LHFPL3: variants seen among roughly 807,000 people sequenced by gnomAD.
LHFPL3 encodes the protein LHFPL tetraspan subfamily member 3, also known as LHFPL tetraspan subfamily member 3 protein.
In LHFPL3, 5 loss-of-function variants were observed where a neutral mutation model predicts 19.3. That is an observed-to-expected ratio of 0.26 (90% CI 0.14 to 0.54). The LOEUF (loss-of-function observed/expected upper bound fraction) is 0.54, where lower values mean the gene tolerates loss of function less well. Ranked by LOEUF, LHFPL3 falls within the 20% of genes least tolerant of loss-of-function variation. The pLI, the probability that LHFPL3 is intolerant of heterozygous loss-of-function variation, is 0.94. For missense variants in LHFPL3, 249 were observed against 307.4 expected (o/e 0.81, Z 1.42); for synonymous variants, 133 against 126.2 (o/e 1.05, Z -0.36).
chr7:104,554,674 GATA>G (rs1464769585), intron 1 of LHFPL3, among the ~76,000 whole-genome samples: 9 of 150,640 alleles, frequency 6.0e-5, no homozygotes, highest in Non-Finnish European at 1.3e-4. Context: ...TAGATAGATA[GATA>G]GATAGATAGA....
At chr7:104,644,827 G>GGAGCTTTTAAACTACAGGAGGCCC (rs1791903509) in intron 1 of LHFPL3, among the ~76,000 whole-genome samples, 1 of 152,086 alleles carries the variant, frequency 6.6e-6, no homozygotes, top group Non-Finnish European at 1.5e-5. Context: ...ATCACCTTGA[G>GGAGCTTTTAAACTACAGGAGGCCC]GAGCTTTTAA....
intron 2 of LHFPL3, among the ~76,000 whole-genome samples, chr7:104,877,578 TC>T (rs1401861253): frequency 6.6e-6 from 1 of 152,176 alleles, no homozygotes; most frequent in African/African-American, 2.4e-5. Flanking sequence ...AGATATCACT[TC>T]CCATCCACTA....
intron 1 of LHFPL3, among the ~76,000 whole-genome samples, chr7:104,477,849 T>C (rs1003875046): frequency 2.0e-5 from 3 of 152,174 alleles, no homozygotes; most frequent in African/African-American, 7.2e-5. Context: ...GAAGTAGCAC[T>C]TCACTGAAAT....
intron 2 of LHFPL3, among the ~76,000 whole-genome samples, chr7:104,827,628 G>C (rs1025467490): frequency 1.3e-4 from 19 of 148,722 alleles, no homozygotes; most frequent in Admixed American, 1.3e-3. Flanking sequence ...TTTTTTGATT[G>C]ATAGTATCTT....
In LHFPL3 at chr7:104,636,397, G is replaced by T. The variant is rs113411167; in HGVS notation, c.446-100278G>T. The stretch of plus-strand genomic sequence containing the variant: ...CTAATTTTTTTAACTTTTATTTTAG[G>T]TTAAGGGGTACATGTGCAGGTTTGT... On this transcript the variant is annotated intron_variant, in intron 1 of 2. Transcript: ENST00000424859. 3.5e-3 allele frequency among the ~76,000 whole-genome samples: 528 copies of T among 152,220 alleles called. 4 individuals carry two copies. The highest frequency in any genetic ancestry group is 0.012 in the African/African-American group (501 of 41,546).
intron 1 of LHFPL3, among the ~76,000 whole-genome samples, chr7:104,587,399 T>C (rs530539668): frequency 7.4e-4 from 113 of 152,342 alleles, no homozygotes; most frequent in South Asian, 1.7e-3. Flanking sequence ...GATAGTTTGC[T>C]GAGAGTGATG....
chr7:104,834,467 CT>C (rs1339496218), intron 2 of LHFPL3, among the ~76,000 whole-genome samples: 1 of 152,016 alleles, frequency 6.6e-6, no homozygotes, highest in Non-Finnish European at 1.5e-5. Flanking sequence ...CTTTTGCCTT[CT>C]GACCTTAAAT....
At chr7:104,888,804 A>G (rs1305479693) in intron 2 of LHFPL3, among the ~76,000 whole-genome samples, 2 of 152,198 alleles carry the variant, frequency 1.3e-5, no homozygotes, top group Non-Finnish European at 2.9e-5. Flanking sequence ...AATATTTGGG[A>G]TGAGTCTAAG....
At chr7:104,766,155 C>T (rs964557111) in intron 2 of LHFPL3, among the ~76,000 whole-genome samples, 64 of 152,296 alleles carry the variant, frequency 4.2e-4, no homozygotes, top group African/African-American at 1.4e-3. Flanking sequence ...ATGGTAATGT[C>T]GAGCTTTGTT....
chr7:104,552,208 A>T (rs1794673662), intron 1 of LHFPL3, among the ~76,000 whole-genome samples: 1 of 152,214 alleles, frequency 6.6e-6, no homozygotes, highest in Non-Finnish European at 1.5e-5. Context: ...GGCAGCAACC[A>T]AGTGAGCAAG....
At chr7:104,596,558 A>G (rs1258333288) in intron 1 of LHFPL3, among the ~76,000 whole-genome samples, 1 of 152,260 alleles carries the variant, frequency 6.6e-6, no homozygotes, top group Non-Finnish European at 1.5e-5. Context: ...TGATTAGGAA[A>G]TTAAAACCCC....
Position 104,328,718 on chromosome 7 carries a change from C to A in LHFPL3, c.-62C>A. Reference sequence around the variant, plus strand: ...AGGCTCCGTGAGTGTGTCTCCTGCGCGCTGAGAGGCGGGGGGAGGCGGAGG... The same window carrying A: ...AGGCTCCGTGAGTGTGTCTCCTGCGAGCTGAGAGGCGGGGGGAGGCGGAGG... On this transcript the variant is annotated 5_prime_UTR_variant, in exon 1 of 3. Transcript: ENST00000424859. This position sits in a 1 kb window ranked among gnomAD's most constrained non-coding sequence, Gnocchi z 4.6. 1.4e-6 allele frequency: 2 copies of A among 1,437,828 alleles called. No homozygotes were observed. Among genetic ancestry groups the A allele is most frequent in the Non-Finnish European group, 1.9e-6 (2 of 1,061,622 alleles). 89.1% of individuals were successfully genotyped at this position (1,437,828 alleles called of 1,614,324 possible). A position where few individuals can be genotyped will look rare whatever the true frequency, so the allele number is the denominator to read the frequency against.
intron 1 of LHFPL3, among the ~76,000 whole-genome samples, chr7:104,614,576 CCTCTTCTCTTCTCTCTCTTCTCTT>C (rs1791272337): frequency 1.7e-5 from 2 of 121,080 alleles, no homozygotes; most frequent in African/African-American, 5.3e-5. Flanking sequence ...CAAAGAGCCT[CCTCTTCTCTTCTCTCTCTTCTCTT>C]CTCTTCTCTT....
rs192010418 is a variant in LHFPL3, at chr7:104,465,963, C to T, written c.445+136739C>T. Among the ~76,000 whole-genome samples the T allele has an allele frequency of 1.3e-3, 205 of 152,216 alleles. 1 individual carries two copies. Among genetic ancestry groups the T allele is most frequent in the African/African-American group, 4.5e-3 (185 of 41,530 alleles). On this transcript the variant is annotated intron_variant, in intron 1 of 2. Transcript: ENST00000424859. ...GTTTGGTATAATTTCAGTTCTTTTGCATTTGCTGAGGATTGTTTCAATTAT... is the reference window on the plus strand; with the variant it reads ...GTTTGGTATAATTTCAGTTCTTTTGTATTTGCTGAGGATTGTTTCAATTAT...
intron 1 of LHFPL3, among the ~76,000 whole-genome samples, chr7:104,516,598 T>G (rs10252389): frequency 2.6e-5 from 4 of 151,890 alleles, no homozygotes; most frequent in East Asian, 3.9e-4. Context: ...CAGTGAGATA[T>G]CCTCTCACAC....
At chr7:104,345,735 G>A (rs763914336) in intron 1 of LHFPL3, among the ~76,000 whole-genome samples, 2 of 151,926 alleles carry the variant, frequency 1.3e-5, no homozygotes, top group African/African-American at 4.8e-5. Context: ...TCTGAGTTAT[G>A]TGATGTAAAC....
At chr7:104,601,005 C>T (rs1202237445) in intron 1 of LHFPL3, among the ~76,000 whole-genome samples, 1 of 152,212 alleles carries the variant, frequency 6.6e-6, no homozygotes, top group East Asian at 1.9e-4. Context: ...ATTAATTGCC[C>T]AAGGTCTCCA....
chr7:104,516,074 A>G (rs1427612206), intron 1 of LHFPL3, among the ~76,000 whole-genome samples: 1 of 152,138 alleles, frequency 6.6e-6, no homozygotes, highest in African/African-American at 2.4e-5. Context: ...TGGGTAATTT[A>G]TAAAGGAAAA....
chr7:104,441,986 G>C (rs1185573162), intron 1 of LHFPL3, among the ~76,000 whole-genome samples: 1 of 152,078 alleles, frequency 6.6e-6, no homozygotes, highest in Non-Finnish European at 1.5e-5. Context: ...TTCCATAGTG[G>C]CTGCAACGTT....
Sources: allele counts gnomAD v4.1 joint callset (sites outside exome capture counted in the v4.1 genomes callset), GRCh38; gene constraint gnomAD v4.1.1; non-coding constraint Gnocchi (gnomAD v3.1); transcripts MANE v1.5; gene names NCBI Gene and HGNC (gene_info 2026-07-23, HGNC 2026-07-21).